DENND1A: variants seen among roughly 807,000 people sequenced by gnomAD.
The protein encoded by DENND1A is DENN domain-containing protein 1A.
DENND1A carries 51 observed loss-of-function variants against 113.7 expected under a neutral mutation model. That is an observed-to-expected ratio of 0.45 (90% CI 0.36 to 0.57). The LOEUF (loss-of-function observed/expected upper bound fraction) is 0.57. DENND1A is among the 20% of genes least tolerant of loss of function. The probability of loss-of-function intolerance (pLI) is 0.00; values close to 1 mark genes in which losing one functional copy is unlikely to be tolerated. For missense variants in DENND1A, 1,258 were observed against 1,395.9 expected, an observed-to-expected ratio of 0.90 and a Z score of 1.57; for synonymous variants, 565 against 570.8, an observed-to-expected ratio of 0.99 and a Z score of 0.14.
chr9:123,585,118 C>T (rs192073942), intron 11 of DENND1A, among the ~76,000 whole-genome samples: 3 of 152,296 alleles, frequency 2.0e-5, no homozygotes, highest in Admixed American at 6.5e-5. Context: ...AGCAGAATCC[C>T]GGAACCTTTC....
intron 13 of DENND1A, among the ~76,000 whole-genome samples, chr9:123,488,847 C>G (rs1450621877): frequency 1.3e-5 from 2 of 152,148 alleles, no homozygotes; most frequent in Non-Finnish European, 2.9e-5. Context: ...TGGTGCCTGC[C>G]TTCATCTATC....
intron 2 of DENND1A, among the ~76,000 whole-genome samples, chr9:123,814,814 T>G (rs940471228): frequency 2.0e-5 from 3 of 152,216 alleles, no homozygotes; most frequent in Non-Finnish European, 2.9e-5. Context: ...TAGTTTCCTG[T>G]GTCCAAGTGA....
chr9:123,548,296 C>T (rs1448014781), intron 13 of DENND1A, among the ~76,000 whole-genome samples: 1 of 152,210 alleles, frequency 6.6e-6, no homozygotes, highest in Non-Finnish European at 1.5e-5. Context: ...CTTCTGCAGT[C>T]CCCTTTACAC....
chr9:123,743,536 A>G (rs2069200377), intron 5 of DENND1A, among the ~76,000 whole-genome samples: 1 of 152,028 alleles, frequency 6.6e-6, no homozygotes, highest in Non-Finnish European at 1.5e-5. Context: ...GTTTGAGACC[A>G]GCCTGACCAA....
intron 13 of DENND1A, among the ~76,000 whole-genome samples, chr9:123,507,425 T>C (rs941454649): frequency 3.9e-5 from 6 of 152,228 alleles, no homozygotes; most frequent in African/African-American, 1.2e-4. Context: ...AGGCTAACAA[T>C]AGTTATAATT....
chr9:123,921,750 C>G (rs1192239098), intron 1 of DENND1A, among the ~76,000 whole-genome samples: 1 of 152,164 alleles, frequency 6.6e-6, no homozygotes, highest in Non-Finnish European at 1.5e-5. Context: ...TTTCACTTTT[C>G]CTCAGAAAAG....
At chr9:123,815,771 T>C (rs996329623) in intron 2 of DENND1A, among the ~76,000 whole-genome samples, 4 of 152,140 alleles carry the variant, frequency 2.6e-5, no homozygotes, top group African/African-American at 9.7e-5. Context: ...ACTGACCGTA[T>C]TCTCCTTTAT....
At chr9:123,711,671 A>C (rs1217389949) in intron 5 of DENND1A, among the ~76,000 whole-genome samples, 1 of 151,532 alleles carries the variant, frequency 6.6e-6, no homozygotes, top group South Asian at 2.1e-4. Flanking sequence ...AGGGGCTTCA[A>C]TGACCTCATC....
At chr9:123,596,708 C>T (rs2137226815) in intron 11 of DENND1A, among the ~76,000 whole-genome samples, 1 of 152,306 alleles carries the variant, frequency 6.6e-6, no homozygotes, top group Middle Eastern at 3.4e-3. Flanking sequence ...ATAGACTTAC[C>T]AGAGTGCTGA....
intron 11 of DENND1A, among the ~76,000 whole-genome samples, chr9:123,591,489 A>T (rs2059453110): frequency 6.6e-6 from 1 of 152,244 alleles, no homozygotes; most frequent in Non-Finnish European, 1.5e-5. Flanking sequence ...TGCTCGTCCA[A>T]CAGCTGTGCA....
chr9:123,430,645 G>A (rs1279924149), intron 19 of DENND1A, among the ~76,000 whole-genome samples: 2 of 152,102 alleles, frequency 1.3e-5, no homozygotes, highest in Non-Finnish European at 2.9e-5. Flanking sequence ...ACACACTGGG[G>A]GAATAACACA....
chr9:123,765,508 T>G (rs1303707505), intron 4 of DENND1A, among the ~76,000 whole-genome samples: 1 of 152,234 alleles, frequency 6.6e-6, no homozygotes, highest in Non-Finnish European at 1.5e-5. Context: ...CCTCTGGCCC[T>G]GAAAAGATTA....
At chr9:123,613,960 C>G (rs1487741353) in intron 10 of DENND1A, among the ~76,000 whole-genome samples, 2 of 152,128 alleles carry the variant, frequency 1.3e-5, no homozygotes, top group African/African-American at 4.8e-5. Context: ...GGCTCTGTTG[C>G]TGGTGTTGAG....
At chr9:123,693,844 T>TATTATTATTA in intron 5 of DENND1A, among the ~76,000 whole-genome samples, 1 of 146,276 alleles carries the variant, frequency 6.8e-6, no homozygotes, top group Admixed American at 6.9e-5. Context: ...TTATTATTAT[T>TATTATTATTA]TTGAGACAGA....
intron 13 of DENND1A, among the ~76,000 whole-genome samples, chr9:123,550,775 G>C (rs1364290240): frequency 6.6e-6 from 1 of 152,202 alleles, no homozygotes; most frequent in Non-Finnish European, 1.5e-5. Flanking sequence ...TCTCTAGGAA[G>C]GAGGAATATT....
chr9:123,665,682 A>G (rs920355876), intron 8 of DENND1A, among the ~76,000 whole-genome samples: 1 of 152,212 alleles, frequency 6.6e-6, no homozygotes, highest in Non-Finnish European at 1.5e-5. Flanking sequence ...TTTTCTTATC[A>G]AGTATTCAAG....
chr9:123,421,688 C>G (rs1307091656), intron 19 of DENND1A, among the ~76,000 whole-genome samples: 3 of 152,176 alleles, frequency 2.0e-5, no homozygotes, highest in Non-Finnish European at 4.4e-5. Flanking sequence ...TAACAGGATG[C>G]AACTAGGAAA....
At chr9:123,626,372 C>T (rs1331642431) in intron 10 of DENND1A, among the ~76,000 whole-genome samples, 1 of 151,840 alleles carries the variant, frequency 6.6e-6, no homozygotes, top group Non-Finnish European at 1.5e-5. Context: ...GAGGGGATGG[C>T]AGCAGGTTCT....
At chr9:123,458,104 G>A (rs546429933) in intron 13 of DENND1A, among the ~76,000 whole-genome samples, 36 of 150,958 alleles carry the variant, frequency 2.4e-4, no homozygotes, top group African/African-American at 6.1e-4. Context: ...GAGTTCAAGC[G>A]ATTCTCCTGC....
Sources: allele counts gnomAD v4.1 joint callset (sites outside exome capture counted in the v4.1 genomes callset), GRCh38; gene constraint gnomAD v4.1.1; transcripts MANE v1.5; gene names NCBI Gene and HGNC (gene_info 2026-07-23, HGNC 2026-07-21).